MTMR3: variants seen among roughly 807,000 people sequenced by gnomAD.
The protein encoded by MTMR3 is phosphatidylinositol-3,5-bisphosphate 3-phosphatase MTMR3.
In MTMR3, 32 loss-of-function variants were observed where a neutral mutation model predicts 132.4. The observed-to-expected ratio is 0.24, with a 90% CI of 0.18 to 0.32. The LOEUF is 0.32. Ranked by LOEUF, MTMR3 falls within the 10% of genes least tolerant of loss-of-function variation. The pLI is 1.00. For missense variants in MTMR3, 1,216 were observed against 1,489.6 expected, an observed-to-expected ratio of 0.82 and a Z score of 3.02; for synonymous variants, 556 against 550.3, an observed-to-expected ratio of 1.01 and a Z score of -0.14.
At chr22:29,975,683 C>T (rs145129560) in intron 3 of MTMR3, among the ~76,000 whole-genome samples, 208 of 152,308 alleles carry the variant, frequency 1.4e-3, no homozygotes, top group African/African-American at 4.5e-3. Context: ...TCACTGTAGC[C>T]GCTACAGTGC....
At chr22:30,004,970 T>A (rs1273130154) in intron 9 of MTMR3, 1 of 152,262 alleles carries the variant, frequency 6.6e-6, no homozygotes, top group African/African-American at 2.4e-5. Flanking sequence ...AGCACTTAAT[T>A]GGATTTATAA....
At chr22:29,896,637 T>C (rs917179268) in intron 1 of MTMR3, among the ~76,000 whole-genome samples, 1 of 152,140 alleles carries the variant, frequency 6.6e-6, no homozygotes, top group Non-Finnish European at 1.5e-5. Flanking sequence ...ATTTGCTTTT[T>C]GTCTAACATA....
chr22:29,909,451 C>T (rs1049201163), intron 1 of MTMR3, among the ~76,000 whole-genome samples: 1 of 152,126 alleles, frequency 6.6e-6, no homozygotes. Context: ...TTTAAACTTG[C>T]ATCTGTAAAT....
At chr22:29,905,370 C>A (rs570731201) in intron 1 of MTMR3, among the ~76,000 whole-genome samples, 2 of 152,082 alleles carry the variant, frequency 1.3e-5, no homozygotes, top group African/African-American at 4.8e-5. Context: ...CCCTGTTGTT[C>A]GAAGGACAAC....
intron 15 of MTMR3, 70 bp from the exon 16 acceptor site, chr22:30,017,857 A>T: frequency 6.3e-7 from 1 of 1,592,584 alleles, no homozygotes; most frequent in Non-Finnish European, 8.6e-7. Flanking sequence ...CTTGCTCTTG[A>T]TCCTCATTTC....
In MTMR3 at chr22:29,977,449, T is replaced by C. The variant is rs184695116; in HGVS notation, c.4-993T>C. Reference sequence around the variant, plus strand: ...AATTTACATGTCATCTAGATGAGAATTTATTGCTTCCTCTTTTGAAATTGT... The same window carrying C: ...AATTTACATGTCATCTAGATGAGAACTTATTGCTTCCTCTTTTGAAATTGT... On this transcript the variant is annotated intron_variant, in intron 3 of 19. Transcript: ENST00000401950. 1.1e-4 allele frequency among the ~76,000 whole-genome samples: 16 copies of C among 152,358 alleles called. No homozygotes were observed. The South Asian group carries it at 1.7e-3, about 16-fold the overall frequency.
Position 30,007,309 on chromosome 22 carries a change from C to T in MTMR3, c.867C>T (p.Asp289=), listed in dbSNP as rs892137207. The T allele has an allele frequency of 1.4e-5, 23 of 1,613,906 alleles. No individual in the cohort carries two copies. Among genetic ancestry groups the T allele is most frequent in the Non-Finnish European group, 1.8e-5 (21 of 1,180,004 alleles). ...RDFPNGGDLS[D]VEFDSSLSNA... ...TTCCCAATGGGGGAGACCTTTCTGA[C>T]GTGGAGTTCGGTAAGGTGCTCCCTG... The change falls in exon 10 of 20, where the codon GAC becomes GAT. Residue 289 remains aspartate, a synonymous_variant. Transcript: ENST00000401950.
In MTMR3 at chr22:29,949,098, AACACACACAC is replaced by A. The variant is rs749067914; in HGVS notation, c.-137-7901_-137-7892del. ...GGGCGACAGCGAGGCCCTGTCTTAAAACACACACACACACACACACACACACACACACACA... is the reference window on the plus strand; with the variant it reads ...GGGCGACAGCGAGGCCCTGTCTTAAAACACACACACACACACACACACACA... On this transcript the variant is annotated intron_variant, in intron 1 of 19. Coordinates refer to ENST00000401950, the MANE Select transcript of MTMR3 (RefSeq NM_021090.4). Among the ~76,000 whole-genome samples, 198 of 52,164 alleles carry A rather than the reference AACACACACAC, an allele frequency of 3.8e-3. 3 individuals are homozygous for A. Among genetic ancestry groups the A allele is most frequent in the Non-Finnish European group, 4.1e-3 (119 of 28,946 alleles). The allele number at this position is 52,164 out of a possible 152,430, so 34.2% of individuals were successfully genotyped here.
intron 1 of MTMR3, among the ~76,000 whole-genome samples, chr22:29,937,796 T>C (rs1018087404): frequency 1.3e-5 from 2 of 152,026 alleles, no homozygotes; most frequent in East Asian, 3.9e-4. Flanking sequence ...TACAAGAAGA[T>C]TTGAAGTAAT....
chr22:29,893,224 T>C (rs1489657625), intron 1 of MTMR3, among the ~76,000 whole-genome samples: 1 of 152,180 alleles, frequency 6.6e-6, no homozygotes, highest in Admixed American at 6.6e-5. Context: ...GCACAGAAAA[T>C]ATTTTCGTGG....
chr22:29,996,503 G>A (rs1202028846), intron 7 of MTMR3: 1 of 152,172 alleles, frequency 6.6e-6, no homozygotes, highest in Non-Finnish European at 1.5e-5. Context: ...TCCTGAGATA[G>A]AGGTGTTAAT....
Position 29,883,217 on chromosome 22 carries a change from G to A in MTMR3, c.-280G>A, listed in dbSNP as rs1216547221. The A allele has an allele frequency of 6.6e-6, 1 of 151,188 alleles. No individual in the cohort carries two copies. Among genetic ancestry groups the A allele is most frequent in the East Asian group, 1.9e-4 (1 of 5,200 alleles). 9.4% of individuals were successfully genotyped at this position (151,188 alleles called of 1,614,324 possible). ...CGCCATGTTGTTGTGGTTGTGAGAA[G>A]GCGGCGGCGGCGGCGGAGTAGCAGC... is the stretch of plus-strand genomic sequence containing the variant. On this transcript the variant is annotated 5_prime_UTR_variant, in exon 1 of 20. Transcript: ENST00000401950.
chr22:30,022,660 A>G lies in MTMR3; in HGVS notation c.3388A>G (p.Ser1130Gly). 6.2e-7 allele frequency: 1 copy of G among 1,611,842 alleles called. No individual in the cohort carries two copies. The change falls in exon 19 of 20, where the codon AGT becomes GGT. Residue 1130 changes from serine (S) to glycine (G), a missense_variant. Transcript: ENST00000401950. The part of the protein sequence containing the change: ...HLAAHCYACD[S>G]AFWLASRKHH... ...GGCCGCCCACTGCTATGCGTGCGAC[A>G]GTGCCTTCTGGCTTGCCAGCAGGAA...
intron 2 of MTMR3, among the ~76,000 whole-genome samples, chr22:29,959,075 G>T (rs2066256464): frequency 6.6e-6 from 1 of 152,154 alleles, no homozygotes; most frequent in African/African-American, 2.4e-5. Context: ...TTTAGTTTTT[G>T]ATAAGGAATT....
chr22:30,023,693 G>C, intron 19 of MTMR3: 1 of 585,698 alleles, frequency 1.7e-6, no homozygotes, highest in Non-Finnish European at 3.1e-6. Flanking sequence ...CTCCCCTCCT[G>C]ATCACAGAGG....
In MTMR3 at chr22:30,025,903, T is replaced by C. The variant is rs1000014903; in HGVS notation, c.*102T>C. 4.1e-5 allele frequency: 50 copies of C among 1,210,452 alleles called. No homozygotes were observed. Among genetic ancestry groups the C allele is most frequent in the Non-Finnish European group, 5.0e-5 (42 of 834,252 alleles). The allele number at this position is 1,210,452 out of a possible 1,614,324, so 75.0% of individuals were successfully genotyped here. ...GCCCGTGCACTTTGGAATGGGAGCG[T>C]GGAACCACCTGTACAGAGTGACAGA... On this transcript the variant is annotated 3_prime_UTR_variant, in exon 20 of 20. Transcript: ENST00000401950.
chr22:29,924,608 A>G (rs1318247781), intron 1 of MTMR3, among the ~76,000 whole-genome samples: 3 of 152,214 alleles, frequency 2.0e-5, no homozygotes, highest in Non-Finnish European at 2.9e-5. Context: ...TGCCATTGGG[A>G]TTTTAATAGG....
intron 1 of MTMR3, among the ~76,000 whole-genome samples, chr22:29,914,235 T>A (rs1397051095): frequency 1.3e-5 from 2 of 152,198 alleles, no homozygotes; most frequent in African/African-American, 4.8e-5. Context: ...TGCATGAGAA[T>A]TCCAGGGCTC....
intron 1 of MTMR3, among the ~76,000 whole-genome samples, chr22:29,901,539 A>G (rs548754557): frequency 2.7e-4 from 41 of 152,318 alleles, no homozygotes; most frequent in South Asian, 2.3e-3. Context: ...TGCAAGCACC[A>G]TGATCAAGAT....
Sources: allele counts gnomAD v4.1 joint callset (sites outside exome capture counted in the v4.1 genomes callset), GRCh38; gene constraint gnomAD v4.1.1; transcripts MANE v1.5; gene names NCBI Gene and HGNC (gene_info 2026-07-23, HGNC 2026-07-21).